Variants in ATAD1 observed in about 807,000 individuals in gnomAD.
ATAD1 encodes the protein outer mitochondrial transmembrane helix translocase.
ATAD1 carries 18 observed loss-of-function variants against 42.7 expected under a neutral mutation model. The observed-to-expected ratio is 0.42, with a 90% CI of 0.29 to 0.63. The LOEUF (loss-of-function observed/expected upper bound fraction) is 0.63, where lower values mean the gene tolerates loss of function less well. Ranked by LOEUF, ATAD1 falls within the 20% of genes least tolerant of loss-of-function variation. ATAD1 has a pLI of 0.19. For synonymous variants in ATAD1, 132 were observed against 143.1 expected (o/e 0.92, Z 0.55); for missense variants, 294 against 440.4 (o/e 0.67, Z 2.98).
chr10:87,811,223 C>T (rs1041074298), intron 2 of ATAD1, among the ~76,000 whole-genome samples: 1 of 152,102 alleles, frequency 6.6e-6, no homozygotes, highest in Non-Finnish European at 1.5e-5. Flanking sequence ...ATCCCAGCTA[C>T]TCCGGAGGCT....
intron 4 of ATAD1, among the ~76,000 whole-genome samples, chr10:87,789,599 G>A (rs1447251989): frequency 6.6e-6 from 1 of 152,178 alleles, no homozygotes; most frequent in East Asian, 1.9e-4. Flanking sequence ...GCACATGCCT[G>A]TGGTCCCAGC....
intron 5 of ATAD1, among the ~76,000 whole-genome samples, chr10:87,781,158 A>T (rs897146342): frequency 6.6e-6 from 1 of 152,192 alleles, no homozygotes; most frequent in African/African-American, 2.4e-5. Flanking sequence ...TAATGTTACA[A>T]ATGACACAAG....
intron 1 of ATAD1, among the ~76,000 whole-genome samples, chr10:87,836,578 T>A (rs1365774672): frequency 6.6e-6 from 1 of 152,204 alleles, no homozygotes; most frequent in Non-Finnish European, 1.5e-5. Flanking sequence ...GTAAATAATG[T>A]ATCATTTTTT....
chr10:87,754,581 C>T lies in ATAD1; in HGVS notation c.*106G>A. ...AATTCAGAGTATAAAACCATAAACA[C>T]TGAGCTCCCTCATTGTTTAAAGAGC... is the stretch of plus-strand genomic sequence containing the variant. On this transcript the variant is annotated 3_prime_UTR_variant, in exon 10 of 10. Coordinates refer to ENST00000680024, the MANE Select transcript of ATAD1 (RefSeq NM_001321967.2). The T allele has an allele frequency of 7.8e-7, 1 of 1,288,362 alleles. No homozygotes were observed. Among genetic ancestry groups the T allele is most frequent in the South Asian group, 1.7e-5 (1 of 57,268 alleles). 79.8% of individuals were successfully genotyped at this position (1,288,362 alleles called of 1,614,324 possible). A position where few individuals can be genotyped will look rare whatever the true frequency, so the allele number is the denominator to read the frequency against.
At chr10:87,838,763 T>G (rs1335141236) in intron 1 of ATAD1, among the ~76,000 whole-genome samples, 1 of 151,910 alleles carries the variant, frequency 6.6e-6, no homozygotes, top group Non-Finnish European at 1.5e-5. Flanking sequence ...TCTCTCTCCT[T>G]TTTGTGAGGA....
At chr10:87,771,961 G>T (rs544198760) in intron 6 of ATAD1, among the ~76,000 whole-genome samples, 4 of 152,072 alleles carry the variant, frequency 2.6e-5, no homozygotes, top group African/African-American at 9.6e-5. Flanking sequence ...TCCCTAAGAG[G>T]TTTTACATTT....
At chr10:87,772,035 G>A (rs954835502) in intron 6 of ATAD1, among the ~76,000 whole-genome samples, 3 of 152,070 alleles carry the variant, frequency 2.0e-5, no homozygotes, top group Non-Finnish European at 2.9e-5. Flanking sequence ...AGGAGCCTCA[G>A]AGCCCAATTA....
intron 5 of ATAD1, among the ~76,000 whole-genome samples, chr10:87,777,692 T>C (rs748168781): frequency 3.3e-5 from 5 of 152,178 alleles, no homozygotes; most frequent in Admixed American, 2.6e-4. Flanking sequence ...CTTTTATTTC[T>C]GAATAACTAT....
intron 8 of ATAD1, among the ~76,000 whole-genome samples, chr10:87,766,838 T>A: frequency 6.6e-6 from 1 of 150,936 alleles, no homozygotes; most frequent in African/African-American, 2.4e-5. Flanking sequence ...AAGAAAAAAA[T>A]ATATACAGGA....
At chr10:87,759,848 A>AGCT (rs1854401288) in intron 8 of ATAD1, 1 of 430,368 alleles carries the variant, frequency 2.3e-6, no homozygotes. Context: ...AACAATGTAT[A>AGCT]GCTCACCAAA....
At chr10:87,810,258 C>T (rs73352884) in intron 2 of ATAD1, among the ~76,000 whole-genome samples, 1,785 of 151,670 alleles carry the variant, frequency 0.012, 24 homozygotes, top group African/African-American at 0.041. Context: ...TTAATAAATA[C>T]GCTACCAATA....
Position 87,767,681 on chromosome 10 carries a change from T to A in ATAD1, c.823A>T (p.Asn275Tyr). 6.2e-7 allele frequency: 1 copy of A among 1,611,044 alleles called. No homozygotes were observed. Among genetic ancestry groups the A allele is most frequent in the African/African-American group, 1.3e-5 (1 of 74,856 alleles). ...REAILKLILK[N>Y]ENVDRHVDLL... ...TTTTATTTTCTACTTACATTTTCATTTTTCAAGATGAGTTTCAGGATTGCT... is the reference window on the plus strand; with the variant it reads ...TTTTATTTTCTACTTACATTTTCATATTTCAAGATGAGTTTCAGGATTGCT... The change falls in exon 8 of 10, where the codon AAT becomes TAT. Residue 275 changes from asparagine to tyrosine, a missense_variant. By Grantham distance (143) the Asn-to-Tyr change is moderately radical. Coordinates refer to ENST00000680024, the MANE Select transcript of ATAD1 (RefSeq NM_001321967.2).
At chr10:87,784,785 T>C in intron 4 of ATAD1, 115 bp from the exon 5 acceptor site, 3 of 940,580 alleles carry the variant, frequency 3.2e-6, no homozygotes, top group Non-Finnish European at 4.7e-6. Flanking sequence ...TCAATTCTGC[T>C]TTTATTTAAT....
At chr10:87,791,407 GT>G (rs1856106126) in intron 3 of ATAD1, among the ~76,000 whole-genome samples, 1 of 150,866 alleles carries the variant, frequency 6.6e-6, no homozygotes, top group Non-Finnish European at 1.5e-5. Context: ...CCTTCAAAAT[GT>G]AAAAAAAAAT....
chr10:87,837,893 T>A (rs10887756), intron 1 of ATAD1, among the ~76,000 whole-genome samples: 108,522 of 151,920 alleles, frequency 0.71, 39,561 homozygotes, highest in Admixed American at 0.82. Flanking sequence ...GATTTCTAGG[T>A]GCCTGGGGCA....
rs71022506 is a variant in ATAD1, at chr10:87,798,625, G to GGTGTGTGTGTGTGTGTGTGT, written c.163-5890_163-5871dup. ...AAGTTCCAAAGTAAAAGCTATAGGGGGTGTGTGTGTGTGTGTGTGTGTGTG... is the reference window on the plus strand; with the variant it reads ...AAGTTCCAAAGTAAAAGCTATAGGGGGTGTGTGTGTGTGTGTGTGTGTGTGTGTGTGTGTGTGTGTGTGTG... On this transcript the variant is annotated intron_variant, in intron 2 of 9. Transcript: ENST00000680024. Among the ~76,000 whole-genome samples the GGTGTGTGTGTGTGTGTGTGT allele has an allele frequency of 2.0e-3, 253 of 124,930 alleles. 7 individuals are homozygous for GGTGTGTGTGTGTGTGTGTGT. Among genetic ancestry groups the GGTGTGTGTGTGTGTGTGTGT allele is most frequent in the Non-Finnish European group, 3.0e-3 (171 of 57,748 alleles). 82.0% of individuals were successfully genotyped at this position (124,930 alleles called of 152,430 possible). A position where few individuals can be genotyped will look rare whatever the true frequency, so the allele number is the denominator to read the frequency against.
At chr10:87,754,842 A>T (rs752298435) in intron 9 of ATAD1, 35 bp from the exon 10 acceptor site, 31 of 1,600,418 alleles carry the variant, frequency 1.9e-5, no homozygotes, top group Non-Finnish European at 2.5e-5. Context: ...ATACTCAAAT[A>T]ACTTTAGAAT....
rs187219431 is a variant in ATAD1, at chr10:87,762,415, T to A, written c.831+5258A>T. Among the ~76,000 whole-genome samples the A allele has an allele frequency of 1.3e-3, 201 of 152,240 alleles. 4 individuals are homozygous for A. Among genetic ancestry groups the A allele is most frequent in the Admixed American group, 0.011 (167 of 15,292 alleles). ...TCTCTAAACTTTTCACTGGTGTCTA[T>A]CACTGTTAAAGGTTTACCAATTGTG... is the stretch of plus-strand genomic sequence containing the variant. On this transcript the variant is annotated intron_variant, in intron 8 of 9. Coordinates refer to ENST00000680024, the MANE Select transcript of ATAD1 (RefSeq NM_001321967.2).
intron 5 of ATAD1, among the ~76,000 whole-genome samples, chr10:87,777,657 T>C (rs558697273): frequency 2.4e-4 from 37 of 152,092 alleles, no homozygotes; most frequent in African/African-American, 8.9e-4. Flanking sequence ...ATTTCAAATG[T>C]TTTGTCTTAT....
Sources: allele counts gnomAD v4.1 joint callset (sites outside exome capture counted in the v4.1 genomes callset), GRCh38; gene constraint gnomAD v4.1.1; transcripts MANE v1.5; gene names NCBI Gene and HGNC (gene_info 2026-07-23, HGNC 2026-07-21).